TRMT11: variants seen among roughly 807,000 people sequenced by gnomAD.
TRMT11 encodes the protein tRNA methyltransferase 11.
A neutral mutation model predicts 62.8 loss-of-function variants in TRMT11; 53 were observed. The ratio of observed to expected loss-of-function variants is 0.84; its 90% CI spans 0.68 to 1.06. The LOEUF (loss-of-function observed/expected upper bound fraction) is 1.06. Among genes scored for constraint, TRMT11 ranks in the 50% least tolerant of loss-of-function variants. The probability of loss-of-function intolerance (pLI) is 0.00; values close to 1 mark genes in which losing one functional copy is unlikely to be tolerated. For synonymous variants in TRMT11, 188 were observed against 190.3 expected (o/e 0.99, Z 0.10); for missense variants, 556 against 553.4 (o/e 1.00, Z -0.05).
the TRMT11 span, among the ~76,000 whole-genome samples, chr6:126,242,177 A>G: frequency 1.3e-5 from 2 of 152,226 alleles, no homozygotes; most frequent in Admixed American, 6.5e-5. Flanking sequence ...GTGAACTCCC[A>G]TTCACAATTG....
intron 21 of TRMT11, among the ~76,000 whole-genome samples, chr6:126,154,335 GTGTA>G (rs199559793): frequency 0.029 from 4,277 of 146,830 alleles, 71 homozygotes; most frequent in Middle Eastern, 0.044. Flanking sequence ...ATGTGTGTGT[GTGTA>G]TGTGTGTGTG....
intron 21 of TRMT11, among the ~76,000 whole-genome samples, chr6:126,156,944 G>A (rs148886241): frequency 3.9e-5 from 6 of 152,222 alleles, no homozygotes; most frequent in South Asian, 2.1e-4. Flanking sequence ...CTTCCTCAGC[G>A]GTGGAATCTG....
chr6:126,000,951 G>A (rs1053644487), intron 7 of TRMT11, among the ~76,000 whole-genome samples: 3 of 152,102 alleles, frequency 2.0e-5, no homozygotes, highest in African/African-American at 7.2e-5. Flanking sequence ...GAACATGCAT[G>A]TATCCTTAAC....
At chr6:126,270,103 A>G in the TRMT11 span, among the ~76,000 whole-genome samples, 2 of 152,254 alleles carry the variant, frequency 1.3e-5, no homozygotes, top group Non-Finnish European at 1.5e-5. Flanking sequence ...ATATAATTGT[A>G]TCTCAGATAC....
chr6:126,044,120 G>A (rs1490902816), downstream of TRMT11, among the ~76,000 whole-genome samples: 2 of 151,876 alleles, frequency 1.3e-5, no homozygotes, highest in African/African-American at 4.8e-5. Flanking sequence ...TAGACATGAA[G>A]TCCTTGCCCA....
rs558092709 is a variant in TRMT11, at chr6:125,998,817, A to G, written c.522+133A>G. On this transcript the variant is annotated intron_variant, in intron 6 of 12. Coordinates refer to ENST00000334379, the MANE Select transcript of TRMT11 (RefSeq NM_001031712.3). ...CTACTGAATGGATTAAAATTGGTGA[A>G]GAGTATGTGATTATGTTTTGTTTTG... 1.5e-5 allele frequency: 12 copies of G among 809,484 alleles called. No homozygotes were observed. The East Asian group carries it at 3.0e-4, about 20-fold the overall frequency. 50.1% of individuals were successfully genotyped at this position (809,484 alleles called of 1,614,324 possible).
At chr6:126,125,291 G>T (rs1205241601) in intron 21 of TRMT11, among the ~76,000 whole-genome samples, 3 of 152,026 alleles carry the variant, frequency 2.0e-5, no homozygotes, top group African/African-American at 7.2e-5. Flanking sequence ...TTAGGAGGAA[G>T]TGGGGGTAAA....
intron 19 of TRMT11, among the ~76,000 whole-genome samples, chr6:126,115,052 G>A (rs1055100465): frequency 1.3e-5 from 2 of 151,910 alleles, no homozygotes; most frequent in Admixed American, 6.6e-5. Flanking sequence ...ATTGCTGCAC[G>A]TGTCTTTCCC....
intron 17 of TRMT11, among the ~76,000 whole-genome samples, chr6:126,060,173 G>A (rs1776490148): frequency 6.6e-6 from 1 of 152,138 alleles, no homozygotes; most frequent in Admixed American, 6.5e-5. Flanking sequence ...TCCTCTTCAT[G>A]AGCAGGTTCT....
chr6:126,023,688 A>T (rs976957545), intron 12 of TRMT11, among the ~76,000 whole-genome samples: 1 of 152,082 alleles, frequency 6.6e-6, no homozygotes, highest in Non-Finnish European at 1.5e-5. Flanking sequence ...ACACTGCCTG[A>T]TGCAATAATA....
intron 11 of TRMT11, among the ~76,000 whole-genome samples, chr6:126,013,708 T>G (rs1794604403): frequency 6.6e-6 from 1 of 152,164 alleles, no homozygotes; most frequent in African/African-American, 2.4e-5. Flanking sequence ...GAAGTGTTGT[T>G]AAAAAATATC....
intron 16 of TRMT11, among the ~76,000 whole-genome samples, chr6:126,047,092 G>A (rs1486257921): frequency 3.9e-5 from 6 of 151,910 alleles, no homozygotes; most frequent in Admixed American, 2.6e-4. Context: ...CAGATACACG[G>A]CTTCTGAAAA....
chr6:126,009,221 G>T (rs961603667), intron 8 of TRMT11: 2 of 151,930 alleles, frequency 1.3e-5, no homozygotes, highest in African/African-American at 2.4e-5. Flanking sequence ...ACTAGTCTTT[G>T]AGGTACTATT....
chr6:126,215,109 A>C, the TRMT11 span, among the ~76,000 whole-genome samples: 1 of 151,920 alleles, frequency 6.6e-6, no homozygotes, highest in Non-Finnish European at 1.5e-5. Context: ...TGCTCCACAC[A>C]TAGTCTATTC....
the TRMT11 span, among the ~76,000 whole-genome samples, chr6:126,251,628 CT>C: frequency 6.6e-6 from 1 of 152,162 alleles, no homozygotes; most frequent in South Asian, 2.1e-4. Flanking sequence ...TCTAATCCAC[CT>C]CTCTGTCCCC....
chr6:126,105,657 C>A (rs1040962374), intron 17 of TRMT11, among the ~76,000 whole-genome samples: 2 of 151,590 alleles, frequency 1.3e-5, no homozygotes, highest in Admixed American at 1.3e-4. Flanking sequence ...TGCCTTGTTG[C>A]TTCTTTTTAA....
chr6:126,208,417 T>C (rs919758793), downstream of TRMT11, among the ~76,000 whole-genome samples: 16 of 152,194 alleles, frequency 1.1e-4, no homozygotes, highest in African/African-American at 3.9e-4. Flanking sequence ...CCACTTCCAA[T>C]TGAGTTAAAT....
chr6:126,051,995 T>C (rs1270035002), intron 16 of TRMT11, among the ~76,000 whole-genome samples: 2 of 152,158 alleles, frequency 1.3e-5, no homozygotes, highest in East Asian at 3.9e-4. Flanking sequence ...CCCAGCATGA[T>C]ATATATATTT....
At chr6:126,130,181 A>G (rs1777764586) in intron 21 of TRMT11, among the ~76,000 whole-genome samples, 1 of 152,072 alleles carries the variant, frequency 6.6e-6, no homozygotes, top group Non-Finnish European at 1.5e-5. Flanking sequence ...TTTTGTATAT[A>G]TGAGAAAATA....
Sources: allele counts gnomAD v4.1 joint callset (sites outside exome capture counted in the v4.1 genomes callset), GRCh38; gene constraint gnomAD v4.1.1; transcripts MANE v1.5; gene names NCBI Gene and HGNC (gene_info 2026-07-23, HGNC 2026-07-21).